Variants in BNC1 observed in about 807,000 individuals in gnomAD.
The protein encoded by BNC1 is zinc finger protein basonuclin-1.
Under a neutral mutation model 66.5 loss-of-function variants are expected in BNC1, and 8 were observed. That is an observed-to-expected ratio of 0.12 (90% confidence interval 0.07 to 0.22). The LOEUF (loss-of-function observed/expected upper bound fraction) is 0.22. Among genes scored for constraint, BNC1 ranks in the 10% least tolerant of loss-of-function variants. The pLI, the probability that BNC1 is intolerant of heterozygous loss-of-function variation, is 1.00. For missense variants in BNC1, 1,069 were observed against 1,241.3 expected (o/e 0.86, Z 2.09); for synonymous variants, 454 against 452.6 (o/e 1.00, Z -0.04).
At chr15:83,262,016 T>C (rs1041934970) in intron 4 of BNC1, among the ~76,000 whole-genome samples, 21 of 151,328 alleles carry the variant, frequency 1.4e-4, no homozygotes, top group Admixed American at 1.1e-3. Context: ...TACGCTTTAC[T>C]CAACCTGCTA....
intron 4 of BNC1, among the ~76,000 whole-genome samples, chr15:83,262,047 T>G (rs1018275959): frequency 3.2e-5 from 2 of 63,476 alleles, no homozygotes; most frequent in South Asian, 3.3e-4. Context: ...TAGTTCATGT[T>G]TTTTTTTTTT....
intron 1 of BNC1, among the ~76,000 whole-genome samples, chr15:83,276,933 G>A (rs1015338851): frequency 1.3e-5 from 2 of 152,166 alleles, no homozygotes; most frequent in Non-Finnish European, 2.9e-5. Context: ...TTTAGAGTCT[G>A]TGGTCCTCTC....
chr15:83,266,807 T>G (rs773393737), intron 3 of BNC1, 29 bp downstream of exon 3: 1 of 1,599,738 alleles, frequency 6.3e-7, no homozygotes, highest in Non-Finnish European at 8.6e-7. Context: ...GAAAGCACCC[T>G]AGGAGGACAA....
At chr15:83,272,540 T>C (rs1195316418) in intron 1 of BNC1, among the ~76,000 whole-genome samples, 2 of 152,214 alleles carry the variant, frequency 1.3e-5, no homozygotes, top group Non-Finnish European at 2.9e-5. Context: ...CCAGGCCCCA[T>C]TCACTCTTTA....
At position 83,266,941 on chromosome 15, in the gene BNC1, G is replaced by A. The variant is rs760614383; in HGVS notation, c.330C>T (p.Ile110=). 4 of 1,614,104 alleles carry A rather than the reference G, an allele frequency of 2.5e-6. No individual in the cohort carries two copies. The highest frequency in any genetic ancestry group is 1.7e-5 in the Admixed American group (1 of 60,002). Residue 110 remains isoleucine (I), a synonymous_variant, in exon 3 of 5, where the codon ATC becomes ATT. Transcript: ENST00000345382. ...GTQAIPVRLK[I]LLDRLFSVLK... is the part of the protein sequence containing the mutation. ...ACACACTGAAGAGCCGGTCCAGTAG[G>A]ATTTTTAGGCGAACGGGGATGGCCT...
At position 83,262,960 on chromosome 15, in the gene BNC1, C is replaced by A; in HGVS notation, c.2291G>T (p.Ser764Ile). The change falls in exon 4 of 5, where the codon AGC (serine) becomes ATC (isoleucine). Residue 764 changes from serine (S) to isoleucine (I), a missense_variant. Physicochemically the swap from Ser to Ile is moderately radical, Grantham distance 142. Coordinates refer to ENST00000345382, the MANE Select transcript of BNC1 (RefSeq NM_001717.4). ...GCNATFPSRR[S>I]RDRHSSNLNL... ...CCTACAGATGCCTTACCTGTCTCTG[C>A]TCCTGCGGGAGGGAAAGGTAGCATT... The A allele has an allele frequency of 6.2e-7, 1 of 1,606,374 alleles. No individual in the cohort carries two copies. The highest frequency in any genetic ancestry group is 1.1e-5 in the South Asian group (1 of 89,854).
rs377276556 is a variant in BNC1 at position 83,257,596 on chromosome 15, C to T, written c.2831G>A (p.Arg944Lys). 26 of 1,613,996 alleles carry T rather than the reference C, an allele frequency of 1.6e-5. No individual in the cohort carries two copies. Among genetic ancestry groups the T allele is most frequent in the Middle Eastern group, 1.6e-4 (1 of 6,084 alleles). The change falls in exon 5 of 5, where the codon AGG (arginine) becomes AAG (lysine). Residue 944 changes from arginine to lysine, a missense_variant. Coordinates refer to ENST00000345382, the MANE Select transcript of BNC1 (RefSeq NM_001717.4). ...QKTYSNKGTFRAHYKTVHLRQ... is the reference protein window; with the variant it reads ...QKTYSNKGTFKAHYKTVHLRQ... ...GAGGTGCACAGTTTTGTAGTGGGCC[C>T]TAAAGGTCCCTTTGTTACTGTATGT...
Position 83,257,389 on chromosome 15 carries a change from T to G in BNC1, c.*53A>C. The G allele has an allele frequency of 6.6e-7, 1 of 1,519,362 alleles. No homozygotes were observed. The highest frequency in any genetic ancestry group is 8.9e-7 in the Non-Finnish European group (1 of 1,121,162). 94.1% of individuals were successfully genotyped at this position (1,519,362 alleles called of 1,614,324 possible). On this transcript the variant is annotated 3_prime_UTR_variant, in exon 5 of 5. Transcript: ENST00000345382. ...ACAGAAACATTTCTATGGACTACTT[T>G]ATTCCTGAATTATGAAAAAAGCTTA...
In BNC1 at chr15:83,262,212, C is replaced by T. The variant is rs551393924; in HGVS notation, c.2300+739G>A. ...TGACTACAGGTGCATGCCACCACGC[C>T]CAGCTAATTTTTCTATTTTTAGTAG... On this transcript the variant is annotated intron_variant, in intron 4 of 4. Coordinates refer to ENST00000345382, the MANE Select transcript of BNC1 (RefSeq NM_001717.4). Among the ~76,000 whole-genome samples the T allele has an allele frequency of 2.6e-4, 40 of 152,108 alleles. No homozygotes were observed. The East Asian group carries it at 7.6e-3, about 29-fold the overall frequency.
At chr15:83,261,031 A>T (rs898428858) in intron 4 of BNC1, among the ~76,000 whole-genome samples, 4 of 152,248 alleles carry the variant, frequency 2.6e-5, no homozygotes, top group African/African-American at 4.8e-5. Context: ...GGAAATATTA[A>T]ATCTATGAAA....
intron 4 of BNC1, 136 bp from the exon 5 acceptor site, chr15:83,258,262 T>TG (rs2038105093): frequency 3.4e-6 from 3 of 889,322 alleles, no homozygotes; most frequent in African/African-American, 1.7e-5. Context: ...TAGGCCCCCA[T>TG]GGGATGTAAC....
At chr15:83,266,052 C>A (rs1386849861) in intron 3 of BNC1, among the ~76,000 whole-genome samples, 2 of 152,066 alleles carry the variant, frequency 1.3e-5, no homozygotes. Context: ...AGGAATGATG[C>A]TTCATCTCAG....
At chr15:83,265,489 G>A (rs1222405527) in intron 3 of BNC1, among the ~76,000 whole-genome samples, 4 of 152,178 alleles carry the variant, frequency 2.6e-5, no homozygotes, top group Non-Finnish European at 5.9e-5. Context: ...AGATGATGAA[G>A]AATGTAACAT....
chr15:83,274,341 C>T (rs990360000), intron 1 of BNC1, among the ~76,000 whole-genome samples: 6 of 152,116 alleles, frequency 3.9e-5, no homozygotes, highest in East Asian at 1.9e-4. Context: ...GCTGAGATCG[C>T]GCCACTGCAC....
In BNC1 at chr15:83,263,003, A is replaced by C. The variant is rs745687255; in HGVS notation, c.2248T>G (p.Cys750Gly). 1.2e-6 allele frequency: 2 copies of C among 1,614,136 alleles called. No homozygotes were observed. The highest frequency in any genetic ancestry group is 1.7e-6 in the Non-Finnish European group (2 of 1,180,020). ...KNMHVKEMHT[C>G]TVEGCNATFP... ...GTAGCATTACAGCCCTCCACTGTGC[A>C]TGTGTGCATTTCTTTGACATGCATA... The change falls in exon 4 of 5, where the codon TGC (cysteine) becomes GGC (glycine). Residue 750 changes from cysteine (C) to glycine (G), a missense_variant. This residue lies in a region of BNC1 where 657 missense variants were observed against 715.8 expected (regional missense o/e 0.92). Coordinates refer to ENST00000345382, the MANE Select transcript of BNC1 (RefSeq NM_001717.4).
At chr15:83,283,367 G>GAGCAGCGGGAGACCCCGCAGC in intron 1 of BNC1, 1 of 1,385,112 alleles carries the variant, frequency 7.2e-7, no homozygotes, top group Non-Finnish European at 9.3e-7. Flanking sequence ...GGCTCCGGAG[G>GAGCAGCGGGAGACCCCGCAGC]AGCAGCGGGA....
At position 83,267,046 on chromosome 15, in the gene BNC1, G is replaced by A; in HGVS notation, c.225C>T (p.Pro75=). 1 of 1,612,816 alleles carries A rather than the reference G, an allele frequency of 6.2e-7. No individual in the cohort carries two copies. Among genetic ancestry groups the A allele is most frequent in the East Asian group, 2.2e-5 (1 of 44,862 alleles). The change falls in exon 3 of 5, where the codon CCC becomes CCT. Residue 75 remains proline, a synonymous_variant. Coordinates refer to ENST00000345382, the MANE Select transcript of BNC1 (RefSeq NM_001717.4). ...AHALSKLRIP[P]MYPTSQVEIV... is the part of the protein sequence containing the mutation. ...TCTCCACCTGGCTTGTTGGATACAT[G>A]GGGGGGATCCTTAGCTTACTTAGAG...
rs2038425334 is a variant in BNC1 at position 83,284,615 on chromosome 15, G to C, written c.14C>G (p.Pro5Arg). 1.0e-6 allele frequency: 1 copy of C among 1,000,120 alleles called. No individual in the cohort carries two copies. The highest frequency in any genetic ancestry group is 1.2e-6 in the Non-Finnish European group (1 of 841,364). 62.0% of individuals were successfully genotyped at this position (1,000,120 alleles called of 1,614,324 possible). The change falls in exon 1 of 5, where the codon CCG becomes CGG. Residue 5 changes from proline (P) to arginine (R), a missense_variant. Coordinates refer to ENST00000345382, the MANE Select transcript of BNC1 (RefSeq NM_001717.4). MRRR[P>R]PSRGGRGAAR... is the part of the protein sequence containing the mutation. ...CGCCCCGCGTCCGCCCCGGCTCGGCGGGCGCCGCCGCATCCACGCTCCGGC... is the reference window on the plus strand; with the variant it reads ...CGCCCCGCGTCCGCCCCGGCTCGGCCGGCGCCGCCGCATCCACGCTCCGGC...
chr15:83,264,056 G>T lies in BNC1; in HGVS notation c.1195C>A (p.Leu399Ile), dbSNP rs151242276. The change falls in exon 4 of 5, where the codon CTA (leucine) becomes ATA (isoleucine). Residue 399 changes from leucine (L) to isoleucine (I), a missense_variant. This residue lies in a region of BNC1 where 82 missense variants were observed against 136.3 expected (regional missense o/e 0.60). Transcript: ENST00000345382. ...IEGCNMVFSS[L>I]RSRNRHSANP... ...GCGCTATGGCGATTCCGGCTCCTTA[G>T]GGAGCTGAACACCATGTTACACCCT... The T allele has an allele frequency of 8.7e-6, 14 of 1,614,194 alleles. No individual in the cohort carries two copies. The highest frequency in any genetic ancestry group is 1.7e-5 in the Admixed American group (1 of 60,026).
Sources: gnomAD v4.1 joint callset for allele counts (sites outside exome capture counted in the v4.1 genomes callset) on GRCh38, gnomAD v4.1.1 for gene constraint, gnomAD v4.1.1 regional missense constraint, MANE v1.5 for transcripts, NCBI Gene and HGNC (gene_info 2026-07-23, HGNC 2026-07-21) for gene names.